The following LRP4 variants were observed in gnomAD, a reference collection of about 807,000 sequenced individuals.
LRP4 encodes LDL receptor related protein 4.
Under a neutral mutation model 220.3 loss-of-function variants are expected in LRP4, and 95 were observed. The ratio of observed to expected loss-of-function variants is 0.43; its 90% CI spans 0.37 to 0.51. The LOEUF (loss-of-function observed/expected upper bound fraction) is 0.51, where lower values mean the gene tolerates loss of function less well. Among genes scored for constraint, LRP4 ranks in the 20% least tolerant of loss-of-function variants. The probability of loss-of-function intolerance (pLI) is 0.00; values close to 1 mark genes in which losing one functional copy is unlikely to be tolerated. For synonymous variants in LRP4, 903 were observed against 954.6 expected (o/e 0.95, Z 1.00); for missense variants, 1,925 against 2,567.0 (o/e 0.75, Z 5.40).
At chr11:46,907,295 T>G (rs532243238) in intron 1 of LRP4, among the ~76,000 whole-genome samples, 65 of 152,346 alleles carry the variant, frequency 4.3e-4, no homozygotes, top group Non-Finnish European at 8.1e-4. Flanking sequence ...GTCCGCAAGG[T>G]ATCTTTGATC....
At chr11:46,874,776 T>A (rs780325814) in intron 28 of LRP4, 24 bp downstream of exon 28, 1 of 1,611,062 alleles carries the variant, frequency 6.2e-7, no homozygotes, top group Non-Finnish European at 8.5e-7. Context: ...CTGTGTCTTC[T>A]GGAGGTTTCA....
intron 2 of LRP4, among the ~76,000 whole-genome samples, chr11:46,900,744 G>A (rs1941649293): frequency 6.6e-6 from 1 of 151,046 alleles, no homozygotes; most frequent in Non-Finnish European, 1.5e-5. Context: ...GCCTGCCTCA[G>A]CCTCCCAAAG....
At chr11:46,869,936 T>C (rs1421601711) in intron 31 of LRP4, among the ~76,000 whole-genome samples, 1 of 151,974 alleles carries the variant, frequency 6.6e-6, no homozygotes, top group Non-Finnish European at 1.5e-5. Flanking sequence ...TGAAACCCTG[T>C]CTCTACTAAA....
At chr11:46,884,564 G>A (rs571988034) in intron 18 of LRP4, among the ~76,000 whole-genome samples, 26 of 151,988 alleles carry the variant, frequency 1.7e-4, no homozygotes, top group Admixed American at 3.9e-4. Context: ...GTGAAACCCC[G>A]TCTCTACTAA....
chr11:46,882,454 G>A (rs1360113658), intron 19 of LRP4, among the ~76,000 whole-genome samples: 1 of 151,802 alleles, frequency 6.6e-6, no homozygotes, highest in Non-Finnish European at 1.5e-5. Flanking sequence ...TCCAGCCTGG[G>A]CAACAAGTGA....
intron 13 of LRP4, among the ~76,000 whole-genome samples, chr11:46,891,061 GT>G (rs996390696): frequency 2.6e-5 from 4 of 152,036 alleles, no homozygotes; most frequent in African/African-American, 9.7e-5. Context: ...ACAATATAAT[GT>G]AATATTAGGA....
chr11:46,886,671 C>T, intron 16 of LRP4, 138 bp from the exon 17 acceptor site: 1 of 735,736 alleles, frequency 1.4e-6, no homozygotes, highest in Non-Finnish European at 2.4e-6. Flanking sequence ...ATACTTTATA[C>T]CTCAGGCTTC....
At chr11:46,865,959 T>C (rs1940684352) in intron 34 of LRP4, among the ~76,000 whole-genome samples, 1 of 152,152 alleles carries the variant, frequency 6.6e-6, no homozygotes, top group Non-Finnish European at 1.5e-5. Context: ...AAACAGAGAA[T>C]GGGGGCACAC....
chr11:46,906,904 G>A (rs7128102), intron 1 of LRP4, among the ~76,000 whole-genome samples: 23,247 of 152,064 alleles, frequency 0.15, 2,783 homozygotes, highest in African/African-American at 0.34. Flanking sequence ...AGTGAAGGGC[G>A]GGCAGCCACC....
intron 37 of LRP4, among the ~76,000 whole-genome samples, chr11:46,862,145 G>A (rs1940574354): frequency 1.3e-5 from 2 of 149,378 alleles, no homozygotes; most frequent in South Asian, 2.1e-4. Context: ...ATAAGAGGAA[G>A]AATAGTGAAA....
chr11:46,900,050 C>A, intron 3 of LRP4, 74 bp from the exon 4 acceptor site: 1 of 1,269,244 alleles, frequency 7.9e-7, no homozygotes, highest in East Asian at 2.3e-5. Context: ...TAAAGCCCTC[C>A]GGAGCAGTCA....
Position 46,873,532 on chromosome 11 carries a change from C to T in LRP4, c.4291G>A (p.Asp1431Asn). 1 of 1,614,218 alleles carries T rather than the reference C, an allele frequency of 6.2e-7. No individual in the cohort carries two copies. Among genetic ancestry groups the T allele is most frequent in the Non-Finnish European group, 8.5e-7 (1 of 1,180,038 alleles). ...GCCACCCAGTCCACTGCCAGCCCGTCAGTGGTCTTCAGCCCTCGCCCGATC... is the reference window on the plus strand; with the variant it reads ...GCCACCCAGTCCACTGCCAGCCCGTTAGTGGTCTTCAGCCCTCGCCCGATC... Reference protein sequence around the residue: ...TVIGRGLKTTDGLAVDWVARN... With the variant: ...TVIGRGLKTTNGLAVDWVARN... Residue 1431 changes from aspartate to asparagine, a missense_variant, in exon 29 of 38, where the codon GAC (aspartate) becomes AAC (asparagine). By Grantham distance (23) the Asp-to-Asn change is conservative. Around this residue, in one of 3 missense-constraint regions of LRP4, gnomAD observed 1,244 missense variants for 1,624.9 expected, o/e 0.77. Coordinates refer to ENST00000378623, the MANE Select transcript of LRP4 (RefSeq NM_002334.4). This position sits in a 1 kb window ranked among gnomAD's most constrained non-coding sequence, Gnocchi z 4.2.
chr11:46,876,699 C>T, intron 24 of LRP4, 45 bp downstream of exon 24: 1 of 1,614,040 alleles, frequency 6.2e-7, no homozygotes, highest in Non-Finnish European at 8.5e-7. Flanking sequence ...ATTTCCCCAG[C>T]CCTGTTGCCA....
In LRP4 at chr11:46,905,611, G is replaced by A. The variant is rs889332454; in HGVS notation, c.53-2682C>T. 5.3e-5 allele frequency among the ~76,000 whole-genome samples: 8 copies of A among 152,236 alleles called. No homozygotes were observed. In the South Asian group the frequency reaches 1.5e-3, roughly 28 times the overall value. ...CACGCCTGTAATCCCAGCACTTTGG[G>A]AGGCCCAGGTGGGCGGATCACCTGA... On this transcript the variant is annotated intron_variant, in intron 1 of 37. Coordinates refer to ENST00000378623, the MANE Select transcript of LRP4 (RefSeq NM_002334.4).
rs1182111481 is a variant in LRP4 at position 46,874,925 on chromosome 11, T to A, written c.4104A>T (p.Ser1368=). 1.9e-6 allele frequency: 3 copies of A among 1,613,900 alleles called. No individual in the cohort carries two copies. The highest frequency in any genetic ancestry group is 2.5e-6 in the Non-Finnish European group (3 of 1,179,932). ...FSSRGSIRRI[S]LDTSDHTDVH... ...CATCGGTGTGGTCACTGGTGTCCAG[T>A]GAGATACGCCGGATGGAGCCACGGC... Residue 1368 remains serine (S), a synonymous_variant, in exon 28 of 38, where the codon TCA becomes TCT. Transcript: ENST00000378623.
chr11:46,892,728 T>A (rs1392862450), intron 13 of LRP4, among the ~76,000 whole-genome samples: 4 of 152,150 alleles, frequency 2.6e-5, no homozygotes, highest in African/African-American at 7.2e-5. Context: ...CCCGCCACCA[T>A]GCCTGGCTAA....
chr11:46,914,185 T>C (rs952079397), intron 1 of LRP4, among the ~76,000 whole-genome samples: 1 of 152,016 alleles, frequency 6.6e-6, no homozygotes, highest in Non-Finnish European at 1.5e-5. Context: ...GATAATCTAT[T>C]ACTACTTCCC....
intron 23 of LRP4, 49 bp downstream of exon 23, chr11:46,877,150 T>C (rs1423034873): frequency 1.2e-6 from 2 of 1,606,778 alleles, no homozygotes; most frequent in Non-Finnish European, 8.5e-7. Flanking sequence ...ACAGTAATTG[T>C]TGAAGGGCAG....
rs762676246 is a variant in LRP4, at chr11:46,889,945, T to A, written c.2091A>T (p.Ala697=). The A allele has an allele frequency of 6.2e-7, 1 of 1,614,172 alleles. No individual in the cohort carries two copies. The highest frequency in any genetic ancestry group is 1.1e-5 in the South Asian group (1 of 91,082). ...IHTLHPQRQP[A]GKNRCGDNNG... The stretch of plus-strand genomic sequence containing the variant: ...CTCACCCGGTGGGCAGTTTTTTACC[T>A]GCAGGTTGGCGCTGGGGGTGCAAGG... Residue 697 remains alanine, a splice_region_variant and synonymous_variant, in exon 15 of 38, where the codon GCA becomes GCT. Transcript: ENST00000378623.
Sources: allele counts gnomAD v4.1 joint callset (sites outside exome capture counted in the v4.1 genomes callset), GRCh38; gene constraint gnomAD v4.1.1; regional missense constraint gnomAD v4.1.1; non-coding constraint Gnocchi (gnomAD v3.1); transcripts MANE v1.5; gene names NCBI Gene and HGNC (gene_info 2026-07-23, HGNC 2026-07-21).